Variants in TENM3 observed in about 807,000 individuals in gnomAD.
TENM3 encodes teneurin transmembrane protein 3, also known as teneurin-3.
A neutral mutation model predicts 255.1 loss-of-function variants in TENM3; 63 were observed. That is an observed-to-expected ratio of 0.25 (90% CI 0.20 to 0.30). The LOEUF is 0.30. Among genes scored for constraint, TENM3 ranks in the 10% least tolerant of loss-of-function variants. TENM3 has a pLI of 1.00. For missense variants in TENM3, 2,929 were observed against 3,461.1 expected, an observed-to-expected ratio of 0.85 and a Z score of 3.86; for synonymous variants, 1,306 against 1,322.3, an observed-to-expected ratio of 0.99 and a Z score of 0.27.
At chr4:181,925,905 A>T in the TENM3 span, among the ~76,000 whole-genome samples, 1 of 152,194 alleles carries the variant, frequency 6.6e-6, no homozygotes, top group Non-Finnish European at 1.5e-5. Flanking sequence ...ATCTATTGTG[A>T]TTCTAGAGAT....
the TENM3 span, among the ~76,000 whole-genome samples, chr4:181,991,927 T>C: frequency 2.0e-5 from 3 of 152,238 alleles, no homozygotes; most frequent in East Asian, 5.8e-4. Context: ...AATCCTGCCT[T>C]GTACTTATAT....
At chr4:182,621,207 G>A (rs573836077) in intron 4 of TENM3, among the ~76,000 whole-genome samples, 1 of 151,908 alleles carries the variant, frequency 6.6e-6, no homozygotes, top group Admixed American at 6.6e-5. Context: ...GTAGAGATGA[G>A]GTCCCACTGT....
chr4:182,315,369 T>G (rs1246648696), intron 1 of TENM3, among the ~76,000 whole-genome samples: 2 of 152,104 alleles, frequency 1.3e-5, no homozygotes, highest in African/African-American at 4.8e-5. Context: ...TTCACCTTCA[T>G]TTTTGAGAGT....
chr4:182,075,389 G>A, the TENM3 span, among the ~76,000 whole-genome samples: 49 of 151,932 alleles, frequency 3.2e-4, no homozygotes, highest in African/African-American at 1.1e-3. Context: ...CAGTAGAGAC[G>A]GGGTTTCACC....
At chr4:182,219,332 T>G (rs1350135820) in intron 1 of TENM3, among the ~76,000 whole-genome samples, 3 of 152,190 alleles carry the variant, frequency 2.0e-5, no homozygotes, top group Non-Finnish European at 2.9e-5. Context: ...AAGGTTGTCA[T>G]CAAATACATT....
intron 3 of TENM3, among the ~76,000 whole-genome samples, chr4:182,486,216 CT>C (rs1451551576): frequency 3.3e-5 from 5 of 149,316 alleles, no homozygotes; most frequent in Admixed American, 2.0e-4. Flanking sequence ...AGCATCCAGG[CT>C]TTTAAAAACC....
At chr4:181,634,292 G>T in the TENM3 span, among the ~76,000 whole-genome samples, 1 of 151,698 alleles carries the variant, frequency 6.6e-6, no homozygotes, top group South Asian at 2.1e-4. Context: ...CATAAATGTG[G>T]CATTCTTTCT....
At chr4:181,588,567 A>G in the TENM3 span, among the ~76,000 whole-genome samples, 1 of 152,200 alleles carries the variant, frequency 6.6e-6, no homozygotes, top group Non-Finnish European at 1.5e-5. Flanking sequence ...TAGTTCAGGA[A>G]TGAAAGCCCT....
At chr4:182,542,732 A>T (rs142238881) in intron 3 of TENM3, among the ~76,000 whole-genome samples, 1 of 152,180 alleles carries the variant, frequency 6.6e-6, no homozygotes, top group Non-Finnish European at 1.5e-5. Context: ...GCCTCTTAGT[A>T]TACTTTACTT....
chr4:181,617,307 G>A, the TENM3 span, among the ~76,000 whole-genome samples: 2 of 152,196 alleles, frequency 1.3e-5, no homozygotes, highest in Non-Finnish European at 2.9e-5. Context: ...AACCAAAAAC[G>A]TTTTAATTCA....
chr4:182,229,912 A>T (rs1284065781), intron 1 of TENM3, among the ~76,000 whole-genome samples: 1 of 152,182 alleles, frequency 6.6e-6, no homozygotes, highest in Non-Finnish European at 1.5e-5. Context: ...GTCGTTAGTT[A>T]TCTCAACAGG....
At chr4:181,760,714 C>T in the TENM3 span, among the ~76,000 whole-genome samples, 3 of 152,074 alleles carry the variant, frequency 2.0e-5, no homozygotes, top group South Asian at 4.2e-4. Context: ...CCCTTGTGAT[C>T]TGCCTGCCCT....
the TENM3 span, among the ~76,000 whole-genome samples, chr4:181,641,929 CAT>C: frequency 2.7e-5 from 4 of 145,590 alleles, no homozygotes; most frequent in Non-Finnish European, 4.5e-5. Context: ...CTGCAATAAA[CAT>C]ATGTGTTCAT....
chr4:182,038,541 G>T, the TENM3 span, among the ~76,000 whole-genome samples: 1 of 151,904 alleles, frequency 6.6e-6, no homozygotes, highest in African/African-American at 2.4e-5. Flanking sequence ...GAGTCTGTTC[G>T]CAGGCAGTCT....
At chr4:182,665,935 A>G (rs948945473) in intron 6 of TENM3, among the ~76,000 whole-genome samples, 1 of 152,118 alleles carries the variant, frequency 6.6e-6, no homozygotes, top group Non-Finnish European at 1.5e-5. Flanking sequence ...TTAGCATTCT[A>G]GATGCTATTA....
chr4:181,974,121 A>G, the TENM3 span, among the ~76,000 whole-genome samples: 23 of 152,322 alleles, frequency 1.5e-4, no homozygotes, highest in East Asian at 4.4e-3. Flanking sequence ...CTGCTCATTC[A>G]AGGAGTCCTG....
At chr4:182,386,509 T>C (rs1489842882) in intron 3 of TENM3, among the ~76,000 whole-genome samples, 2 of 152,202 alleles carry the variant, frequency 1.3e-5, no homozygotes, top group East Asian at 3.9e-4. Context: ...AGCCCCTTTC[T>C]GGGTTGACCA....
rs557773962 is a variant in TENM3 at position 182,432,308 on chromosome 4, C to T, written c.511+85379C>T. ...TTATGTTCACTATTTTGTTGGACAT[C>T]AACCTAAATTTGCACCCATTTTGAT... is the stretch of plus-strand genomic sequence containing the variant. On this transcript the variant is annotated intron_variant, in intron 3 of 27. Transcript: ENST00000511685. 3.3e-5 allele frequency among the ~76,000 whole-genome samples: 5 copies of T among 152,246 alleles called. No homozygotes were observed. In the East Asian group the frequency reaches 7.7e-4, roughly 24 times the overall value.
intron 1 of TENM3, among the ~76,000 whole-genome samples, chr4:182,248,225 C>T (rs1757778761): frequency 2.0e-5 from 3 of 152,146 alleles, no homozygotes; most frequent in South Asian, 4.2e-4. Flanking sequence ...CAAACCTGCA[C>T]GTTCTGCACA....
Sources: allele counts gnomAD v4.1 joint callset (sites outside exome capture counted in the v4.1 genomes callset), GRCh38; gene constraint gnomAD v4.1.1; transcripts MANE v1.5; gene names NCBI Gene and HGNC (gene_info 2026-07-23, HGNC 2026-07-21).